SYN3: variants seen among roughly 807,000 people sequenced by gnomAD.
SYN3 encodes the protein synapsin III.
A neutral mutation model predicts 65.8 loss-of-function variants in SYN3; 35 were observed. The ratio of observed to expected loss-of-function variants is 0.53; its 90% CI spans 0.41 to 0.70. The LOEUF (loss-of-function observed/expected upper bound fraction) is 0.70. Ranked by LOEUF, SYN3 falls within the 30% of genes least tolerant of loss-of-function variation. The pLI is 0.00. For synonymous variants in SYN3, 270 were observed against 292.9 expected (o/e 0.92, Z 0.80); for missense variants, 680 against 749.0 (o/e 0.91, Z 1.08).
chr22:33,058,115 G>A (rs1299554949), intron 1 of SYN3, among the ~76,000 whole-genome samples, 177 bp downstream of exon 1: 4 of 152,132 alleles, frequency 2.6e-5, no homozygotes, highest in African/African-American at 9.7e-5. Flanking sequence ...ACACCGTGGT[G>A]CGCGGCTCCT....
At chr22:32,596,554 TA>T in intron 7 of SYN3, 119 bp downstream of exon 7, 2 of 987,254 alleles carry the variant, frequency 2.0e-6, no homozygotes, top group Non-Finnish European at 1.5e-6. Flanking sequence ...GGATTCTTTC[TA>T]ACACTCTGTT....
intron 6 of SYN3, among the ~76,000 whole-genome samples, chr22:32,716,935 C>A (rs534566732): frequency 6.6e-6 from 1 of 152,234 alleles, no homozygotes; most frequent in South Asian, 2.1e-4. Context: ...GCTGTACAAC[C>A]ATTACCACCA....
At chr22:32,982,875 T>C (rs1476652341) in intron 2 of SYN3, among the ~76,000 whole-genome samples, 2 of 152,174 alleles carry the variant, frequency 1.3e-5, no homozygotes, top group African/African-American at 4.8e-5. Flanking sequence ...ACGAAGTAGA[T>C]ATCATTATTT....
intron 6 of SYN3, among the ~76,000 whole-genome samples, chr22:32,768,428 A>C (rs190181182): frequency 6.6e-6 from 1 of 151,996 alleles, no homozygotes; most frequent in East Asian, 1.9e-4. Context: ...TTCTCTTTAT[A>C]TTTCTTTCCT....
chr22:32,671,636 C>T (rs897758816), intron 6 of SYN3, among the ~76,000 whole-genome samples: 18 of 128,272 alleles, frequency 1.4e-4, no homozygotes, highest in East Asian at 7.3e-4. Context: ...TATACACAGA[C>T]GCTCTCACAC....
At chr22:32,570,625 C>T (rs1424186178) in intron 7 of SYN3, among the ~76,000 whole-genome samples, 5 of 152,128 alleles carry the variant, frequency 3.3e-5, no homozygotes, top group African/African-American at 1.2e-4. Context: ...GAGTATGCCG[C>T]ATTTAGCAAC....
chr22:32,559,230 C>T (rs2058548346), intron 7 of SYN3, among the ~76,000 whole-genome samples: 1 of 152,182 alleles, frequency 6.6e-6, no homozygotes, highest in Non-Finnish European at 1.5e-5. Context: ...CCCAGACATT[C>T]ATTCAGTTAA....
intron 4 of SYN3, among the ~76,000 whole-genome samples, chr22:32,878,349 G>T (rs16991442): frequency 9.9e-5 from 15 of 151,404 alleles, no homozygotes; most frequent in Non-Finnish European, 1.9e-4. Flanking sequence ...CTTCCCTCCA[G>T]AAGTGTCTAG....
At chr22:32,989,880 C>T (rs906623242) in intron 2 of SYN3, among the ~76,000 whole-genome samples, 1 of 151,368 alleles carries the variant, frequency 6.6e-6, no homozygotes, top group Non-Finnish European at 1.5e-5. Context: ...CTCCCTCTAC[C>T]CCTCTCCTCT....
intron 6 of SYN3, among the ~76,000 whole-genome samples, chr22:32,723,036 G>A (rs2061141468): frequency 1.3e-5 from 2 of 152,152 alleles, no homozygotes; most frequent in Non-Finnish European, 2.9e-5. Flanking sequence ...AGAAAATGGA[G>A]GTTCCAAAGA....
At chr22:33,034,004 A>T (rs960027945) in intron 1 of SYN3, among the ~76,000 whole-genome samples, 1 of 151,630 alleles carries the variant, frequency 6.6e-6, no homozygotes, top group African/African-American at 2.4e-5. Flanking sequence ...GGCCAACACA[A>T]TGAAACCCCC....
chr22:32,946,256 G>A (rs1341388867), intron 3 of SYN3, among the ~76,000 whole-genome samples: 20 of 152,024 alleles, frequency 1.3e-4, no homozygotes, highest in East Asian at 7.7e-4. Context: ...TGTTTATTGC[G>A]GCACTATTCA....
intron 6 of SYN3, among the ~76,000 whole-genome samples, chr22:32,693,694 T>C (rs1042634023): frequency 2.8e-5 from 4 of 141,736 alleles, no homozygotes; most frequent in Admixed American, 7.6e-5. Flanking sequence ...CGGGTTCAAA[T>C]GATTCTCCTG....
At chr22:32,625,497 A>G (rs2059653251) in intron 6 of SYN3, among the ~76,000 whole-genome samples, 1 of 152,220 alleles carries the variant, frequency 6.6e-6, no homozygotes, top group African/African-American at 2.4e-5. Context: ...TTATCTCAGT[A>G]CATGACACGG....
intron 7 of SYN3, among the ~76,000 whole-genome samples, chr22:32,565,719 T>C (rs1338890739): frequency 1.3e-5 from 2 of 149,198 alleles, no homozygotes; most frequent in African/African-American, 4.9e-5. Context: ...TATATTTATT[T>C]ATTTATTTAA....
At chr22:33,005,667 TG>T (rs1208731423) in intron 2 of SYN3, among the ~76,000 whole-genome samples, 2 of 152,160 alleles carry the variant, frequency 1.3e-5, no homozygotes, top group Non-Finnish European at 2.9e-5. Context: ...TGCCCACCTT[TG>T]GTGTTCAGAA....
intron 3 of SYN3, among the ~76,000 whole-genome samples, chr22:32,965,169 C>G (rs559538001): frequency 6.6e-6 from 1 of 152,178 alleles, no homozygotes; most frequent in African/African-American, 2.4e-5. Flanking sequence ...TAAATGTATA[C>G]AGATAAACTG....
At chr22:32,764,223 G>A (rs962759070) in intron 6 of SYN3, among the ~76,000 whole-genome samples, 12 of 152,234 alleles carry the variant, frequency 7.9e-5, no homozygotes, top group Middle Eastern at 3.4e-3. Context: ...GATTACAGGT[G>A]TGAGCCACTG....
At chr22:32,605,191 C>T (rs4820084) in intron 6 of SYN3, among the ~76,000 whole-genome samples, 3 of 151,870 alleles carry the variant, frequency 2.0e-5, no homozygotes, top group Non-Finnish European at 2.9e-5. Flanking sequence ...ACGAAGTCTC[C>T]CACAACAAGC....
Sources: allele counts gnomAD v4.1 joint callset (sites outside exome capture counted in the v4.1 genomes callset), GRCh38; gene constraint gnomAD v4.1.1; transcripts MANE v1.5; gene names NCBI Gene and HGNC (gene_info 2026-07-23, HGNC 2026-07-21).